Variants in CCDC141 observed in about 807,000 individuals in gnomAD.
CCDC141 encodes the protein coiled-coil domain-containing protein 141.
Under a neutral mutation model 181.0 loss-of-function variants are expected in CCDC141, and 168 were observed. The observed-to-expected ratio is 0.93, with a 90% confidence interval of 0.82 to 1.05. The LOEUF is 1.05. Among genes scored for constraint, CCDC141 ranks in the 50% least tolerant of loss-of-function variants. CCDC141 has a pLI of 0.00. For missense variants in CCDC141, 1,902 were observed against 1,788.5 expected (o/e 1.06, Z -1.14); for synonymous variants, 666 against 642.3 (o/e 1.04, Z -0.56).
At chr2:179,013,647 AC>A (rs1308062714) in intron 2 of CCDC141, among the ~76,000 whole-genome samples, 1 of 152,148 alleles carries the variant, frequency 6.6e-6, no homozygotes, top group East Asian at 1.9e-4. Flanking sequence ...AAAGGAGCCC[AC>A]ATAGCCAAAG....
Position 178,834,090 on chromosome 2 carries a change from CT to C in CCDC141, c.*82del. ...CTGGAGATACACTTGGTGGGAGATG[CT>C]TTGCAGGAGGTGCAGGAAGATAAAC... On this transcript the variant is annotated 3_prime_UTR_variant, in exon 24 of 24. Coordinates refer to ENST00000443758, the MANE Select transcript of CCDC141 (RefSeq NM_173648.4). 7.3e-7 allele frequency: 1 copy of C among 1,364,398 alleles called. No individual in the cohort carries two copies. Among genetic ancestry groups the C allele is most frequent in the South Asian group, 1.3e-5 (1 of 74,486 alleles). 84.5% of individuals were successfully genotyped at this position (1,364,398 alleles called of 1,614,324 possible).
chr2:178,856,592 T>C (rs1296241540), intron 17 of CCDC141, among the ~76,000 whole-genome samples, 195 bp from the exon 18 acceptor site: 1 of 149,966 alleles, frequency 6.7e-6, no homozygotes, highest in Non-Finnish European at 1.5e-5. Context: ...CTTCTCTCTC[T>C]CCCTTTCTTT....
intron 22 of CCDC141, among the ~76,000 whole-genome samples, chr2:178,841,369 C>T (rs1439457997): frequency 2.0e-5 from 3 of 152,138 alleles, no homozygotes; most frequent in Non-Finnish European, 4.4e-5. Flanking sequence ...ATGCCTATGG[C>T]ACTAACCTAG....
At chr2:178,904,868 G>A (rs909042880) in intron 8 of CCDC141, among the ~76,000 whole-genome samples, 2 of 152,050 alleles carry the variant, frequency 1.3e-5, no homozygotes, top group East Asian at 3.9e-4. Context: ...AATTGTCACT[G>A]TTTACTTAGG....
At chr2:178,935,171 A>C (rs1689236072) in intron 6 of CCDC141, among the ~76,000 whole-genome samples, 1 of 152,046 alleles carries the variant, frequency 6.6e-6, no homozygotes, top group Non-Finnish European at 1.5e-5. Context: ...GGTTTGTTAC[A>C]TAGGTAAACT....
chr2:178,997,444 T>C, intron 2 of CCDC141, among the ~76,000 whole-genome samples: 1 of 151,916 alleles, frequency 6.6e-6, no homozygotes, highest in East Asian at 1.9e-4. Flanking sequence ...ACAAGTGAGG[T>C]ACTAATGGAG....
At chr2:178,848,751 A>C (rs1473928193) in intron 21 of CCDC141, among the ~76,000 whole-genome samples, 1 of 152,148 alleles carries the variant, frequency 6.6e-6, no homozygotes, top group African/African-American at 2.4e-5. Context: ...TGGAAGTCAG[A>C]AGCAGCAGCA....
chr2:178,853,109 T>TTTTG lies in CCDC141; in HGVS notation c.3244+328_3244+331dup, dbSNP rs570020615. 1.6e-4 allele frequency among the ~76,000 whole-genome samples: 24 copies of TTTTG among 152,292 alleles called. 1 individual carries two copies. In the South Asian group the frequency reaches 2.7e-3, roughly 17 times the overall value. ...AGGAATCACTCTAGTGGAAATTAGA[T>TTTTG]TTTGTTTGTTTGTTTGTTTATATAA... On this transcript the variant is annotated intron_variant, in intron 20 of 23. Transcript: ENST00000443758.
intron 19 of CCDC141, among the ~76,000 whole-genome samples, chr2:178,854,066 G>A (rs2154367423): frequency 6.6e-6 from 1 of 152,274 alleles, no homozygotes; most frequent in Non-Finnish European, 1.5e-5. Flanking sequence ...ATCATACACT[G>A]CTAAAGTATT....
chr2:178,948,297 T>C (rs1324131946), intron 5 of CCDC141, among the ~76,000 whole-genome samples: 1 of 152,226 alleles, frequency 6.6e-6, no homozygotes, highest in Admixed American at 6.5e-5. Context: ...CATCCTTTTA[T>C]GTGGCTTTTT....
chr2:178,972,555 C>G lies in CCDC141; in HGVS notation c.526+2502G>C, dbSNP rs62177349. ...GCAGGCTTCCTGAGGAAAATGGCCA[C>G]GTACTCCCCTGACACATGGCCCTGG... is the stretch of plus-strand genomic sequence containing the variant. On this transcript the variant is annotated intron_variant, in intron 4 of 23. Coordinates refer to ENST00000443758, the MANE Select transcript of CCDC141 (RefSeq NM_173648.4). Among the ~76,000 whole-genome samples the G allele has an allele frequency of 9.4e-3, 1,435 of 152,144 alleles. 37 individuals carry two copies. The highest frequency in any genetic ancestry group is 0.058 in the East Asian group (303 of 5,188).
chr2:178,839,141 C>A (rs536050663), intron 22 of CCDC141, among the ~76,000 whole-genome samples: 1 of 152,094 alleles, frequency 6.6e-6, no homozygotes, highest in African/African-American at 2.4e-5. Flanking sequence ...AGACTGGGTG[C>A]GGTGGCTCAC....
Position 178,831,374 on chromosome 2 carries a change from G to A in CCDC141, c.*2799C>T, listed in dbSNP as rs568083919. ...TTTAAGAGTTTAGAAGTTTTAAAAC[G>A]TTTTCTGGTGAAAATCTTGAGTTTA... On this transcript the variant is annotated 3_prime_UTR_variant, in exon 24 of 24. Transcript: ENST00000443758. 2 of 152,092 alleles carry A rather than the reference G, an allele frequency of 1.3e-5. No homozygotes were observed. The highest frequency in any genetic ancestry group is 4.2e-4 in the South Asian group (2 of 4,816). The allele number at this position is 152,092 out of a possible 1,614,324, so 9.4% of individuals were successfully genotyped here.
rs530102914 is a variant in CCDC141 at position 178,942,369 on chromosome 2, T to G, written c.897+2166A>C. ...ATGAAAAGATATAGATAAACTTAAA[T>G]ACATATTACTAAGTGAAAAACACCA... is the stretch of plus-strand genomic sequence containing the variant. On this transcript the variant is annotated intron_variant, in intron 6 of 23. Coordinates refer to ENST00000443758, the MANE Select transcript of CCDC141 (RefSeq NM_173648.4). Among the ~76,000 whole-genome samples, 105 of 152,314 alleles carry G rather than the reference T, an allele frequency of 6.9e-4. 2 individuals are homozygous for G. In the South Asian group the frequency reaches 0.021, roughly 31 times the overall value.
intron 4 of CCDC141, among the ~76,000 whole-genome samples, chr2:178,963,045 A>G (rs1171301214): frequency 6.6e-6 from 1 of 152,222 alleles, no homozygotes; most frequent in Non-Finnish European, 1.5e-5. Flanking sequence ...ATGAGGATAG[A>G]GACCATGACT....
intron 2 of CCDC141, among the ~76,000 whole-genome samples, chr2:178,986,888 C>G (rs1056712912): frequency 3.3e-5 from 5 of 151,836 alleles, no homozygotes; most frequent in African/African-American, 1.2e-4. Flanking sequence ...AATGGCCATA[C>G]TGCCCAAGGT....
chr2:178,824,071 C>CTT, the CCDC141 span, among the ~76,000 whole-genome samples: 1 of 147,430 alleles, frequency 6.8e-6, no homozygotes. Context: ...AACACACACA[C>CTT]ACACACACAC....
rs1684513779 is a variant in CCDC141 at position 178,837,171 on chromosome 2, G to A, written c.4048C>T (p.His1350Tyr). 1.9e-6 allele frequency: 3 copies of A among 1,613,872 alleles called. No homozygotes were observed. The highest frequency in any genetic ancestry group is 2.5e-6 in the Non-Finnish European group (3 of 1,179,972). Residue 1350 changes from histidine (H) to tyrosine (Y), a missense_variant, in exon 23 of 24, where the codon CAT (histidine) becomes TAT (tyrosine). Transcript: ENST00000443758. ...GTTTTAGTGAAGTTATTATCAGCATGCATTTTCTCCCGTGTTTCTAGCAAA... is the reference window on the plus strand; with the variant it reads ...GTTTTAGTGAAGTTATTATCAGCATACATTTTCTCCCGTGTTTCTAGCAAA... ...GGLLETREKM[H>Y]ADNNFTKTQD...
At chr2:179,000,466 T>C (rs1253133084) in intron 2 of CCDC141, among the ~76,000 whole-genome samples, 1 of 152,202 alleles carries the variant, frequency 6.6e-6, no homozygotes, top group Non-Finnish European at 1.5e-5. Flanking sequence ...ATTCACCATC[T>C]GACCCTTTTA....
Sources: allele counts gnomAD v4.1 joint callset (sites outside exome capture counted in the v4.1 genomes callset), GRCh38; gene constraint gnomAD v4.1.1; transcripts MANE v1.5; gene names NCBI Gene and HGNC (gene_info 2026-07-23, HGNC 2026-07-21).